AGAP1: variants seen among roughly 807,000 people sequenced by gnomAD.
AGAP1 encodes ArfGAP with GTPase domain, ankyrin repeat and PH domain 1, also known as arf-GAP with GTPase, ANK repeat and PH domain-containing protein 1.
Under a neutral mutation model 105.3 loss-of-function variants are expected in AGAP1, and 29 were observed. The observed-to-expected ratio is 0.28, with a 90% confidence interval of 0.21 to 0.38. The LOEUF (loss-of-function observed/expected upper bound fraction) is 0.38, where lower values mean the gene tolerates loss of function less well. Ranked by LOEUF, AGAP1 falls within the 10% of genes least tolerant of loss-of-function variation. The probability of loss-of-function intolerance (pLI) is 1.00; values close to 1 mark genes in which losing one functional copy is unlikely to be tolerated. For synonymous variants in AGAP1, 509 were observed against 485.9 expected (o/e 1.05, Z -0.63); for missense variants, 998 against 1,165.1 (o/e 0.86, Z 2.09).
At chr2:235,935,016 AGATTCCT>A (rs1340149939) in intron 12 of AGAP1, among the ~76,000 whole-genome samples, 1 of 152,164 alleles carries the variant, frequency 6.6e-6, no homozygotes, top group African/African-American at 2.4e-5. Context: ...CTAATTAGAT[AGATTCCT>A]TTGTAGGGGC....
chr2:235,659,136 C>T lies in AGAP1; in HGVS notation c.164-50043C>T, dbSNP rs1195041662. On this transcript the variant is annotated intron_variant, in intron 1 of 17. Transcript: ENST00000304032. The surrounding 1 kb of genome is among the most constrained non-coding windows in gnomAD (Gnocchi z 5.0). ...CTGGGGAAGGCCCTGGAGCTGGATT[C>T]CCACACCCTGCCGAGTTTGTGCGTT... Among the ~76,000 whole-genome samples the T allele has an allele frequency of 1.3e-5, 2 of 152,226 alleles. No homozygotes were observed. Among genetic ancestry groups the T allele is most frequent in the African/African-American group, 4.8e-5 (2 of 41,460 alleles).
chr2:235,693,637 C>G (rs535377625), intron 1 of AGAP1, among the ~76,000 whole-genome samples: 1 of 152,148 alleles, frequency 6.6e-6, no homozygotes, highest in Non-Finnish European at 1.5e-5. Flanking sequence ...GGGAGGATCA[C>G]GAGCTCAGGA....
chr2:235,969,877 T>C (rs569238810), intron 13 of AGAP1, among the ~76,000 whole-genome samples: 33 of 152,322 alleles, frequency 2.2e-4, no homozygotes, highest in Non-Finnish European at 3.7e-4. Context: ...TTGCCTCCTG[T>C]AAGCTTCCTG....
At chr2:235,680,890 G>A (rs748165029) in intron 1 of AGAP1, among the ~76,000 whole-genome samples, 26 of 152,192 alleles carry the variant, frequency 1.7e-4, no homozygotes, top group Middle Eastern at 6.8e-3. Context: ...GCTGACACTG[G>A]GACTGTGAAC....
chr2:235,937,725 C>G, intron 12 of AGAP1, among the ~76,000 whole-genome samples: 1 of 152,102 alleles, frequency 6.6e-6, no homozygotes, highest in East Asian at 1.9e-4. Flanking sequence ...TGGGACAGTT[C>G]GTGATGTCCG....
chr2:235,860,183 A>G (rs1252415856), intron 9 of AGAP1, among the ~76,000 whole-genome samples: 1 of 152,230 alleles, frequency 6.6e-6, no homozygotes, highest in Non-Finnish European at 1.5e-5. Flanking sequence ...GCAACAAAGG[A>G]AAGGGCATAC....
intron 1 of AGAP1, among the ~76,000 whole-genome samples, chr2:235,508,998 G>A (rs1338549363): frequency 9.2e-5 from 14 of 152,146 alleles, no homozygotes; most frequent in Non-Finnish European, 1.9e-4. Context: ...TGGTGGCTGC[G>A]CTATCTGCTT....
At position 236,067,024 on chromosome 2, in the gene AGAP1, ATT is replaced by A. The variant is rs34092115; in HGVS notation, c.2114+17756_2114+17757del. On this transcript the variant is annotated intron_variant, in intron 16 of 17. Transcript: ENST00000304032. ...CTGAAAATGTCTTCTTCACCAACCA[ATT>A]TTTTTTTTTTTTATCACTGAGACCT... Among the ~76,000 whole-genome samples, 669 of 149,436 alleles carry A rather than the reference ATT, an allele frequency of 4.5e-3. 2 individuals carry two copies. Among genetic ancestry groups the A allele is most frequent in the East Asian group, 0.018 (94 of 5,082 alleles).
intron 16 of AGAP1, among the ~76,000 whole-genome samples, chr2:236,069,094 T>C (rs13029734): frequency 3.3e-5 from 5 of 150,492 alleles, no homozygotes; most frequent in African/African-American, 4.9e-5. Context: ...GCTAGTGCGC[T>C]CCAGCCTGGG....
intron 1 of AGAP1, among the ~76,000 whole-genome samples, chr2:235,667,724 G>T (rs1948172175): frequency 6.6e-6 from 1 of 152,120 alleles, no homozygotes; most frequent in South Asian, 2.1e-4. Context: ...ACTCTGGGAG[G>T]CTGAGGTGGG....
In AGAP1 at chr2:235,883,128, T is replaced by C. The variant is rs13393519; in HGVS notation, c.1051-217T>C. Among the ~76,000 whole-genome samples the C allele has an allele frequency of 0.02, 3,066 of 152,218 alleles. 104 individuals are homozygous for C. The highest frequency in any genetic ancestry group is 0.071 in the African/African-American group (2,935 of 41,500). On this transcript the variant is annotated intron_variant, in intron 9 of 17. Coordinates refer to ENST00000304032, the MANE Select transcript of AGAP1 (RefSeq NM_001037131.3). The surrounding 1 kb of genome is among the most constrained non-coding windows in gnomAD (Gnocchi z 4.5). ...ATTATACCTTTAGGTGTTTCCTGTG[T>C]GTTTAGCAGTTAATTATCCAAAAGA...
In AGAP1 at chr2:235,748,415, T is replaced by C. The variant is rs183321930; in HGVS notation, c.539-1939T>C. Among the ~76,000 whole-genome samples the C allele has an allele frequency of 2.1e-3, 313 of 152,212 alleles. 3 individuals are homozygous for C. The highest frequency in any genetic ancestry group is 7.2e-3 in the African/African-American group (301 of 41,518). ...TCTTTTTACAATTAAAAAGAAATGT[T>C]TATACTTAAAAAAAAAACTTTCTTT... On this transcript the variant is annotated intron_variant, in intron 5 of 17. Transcript: ENST00000304032.
At chr2:235,781,068 T>C (rs1956231742) in intron 6 of AGAP1, among the ~76,000 whole-genome samples, 1 of 152,200 alleles carries the variant, frequency 6.6e-6, no homozygotes, top group Admixed American at 6.5e-5. Flanking sequence ...ACCTGTGATA[T>C]TAGTCATTGC....
intron 1 of AGAP1, among the ~76,000 whole-genome samples, chr2:235,626,832 A>G (rs1445482558): frequency 2.0e-5 from 3 of 152,184 alleles, no homozygotes; most frequent in East Asian, 1.9e-4. Flanking sequence ...TACAGACACA[A>G]ATTGGCATGG....
At chr2:235,619,753 C>T (rs1392875849) in intron 1 of AGAP1, among the ~76,000 whole-genome samples, 1 of 152,250 alleles carries the variant, frequency 6.6e-6, no homozygotes, top group Non-Finnish European at 1.5e-5. Flanking sequence ...GCAACACCAG[C>T]TTCGGCGCCC....
In AGAP1 at chr2:235,845,972, C is replaced by T. The variant is rs564091774; in HGVS notation, c.1051-37373C>T. On this transcript the variant is annotated intron_variant, in intron 9 of 17. Transcript: ENST00000304032. This position sits in a 1 kb window ranked among gnomAD's most constrained non-coding sequence, Gnocchi z 4.8. The stretch of plus-strand genomic sequence containing the variant: ...CTGCAGCCACAGGGTTGAAATCTTT[C>T]CCAGGCCCTCCAGACCTCCTGGATG... 6.6e-6 allele frequency among the ~76,000 whole-genome samples: 1 copy of T among 152,046 alleles called. No individual in the cohort carries two copies. The highest frequency in any genetic ancestry group is 2.4e-5 in the African/African-American group (1 of 41,374).
intron 1 of AGAP1, among the ~76,000 whole-genome samples, chr2:235,629,847 G>A (rs1344062672): frequency 7.1e-6 from 1 of 141,302 alleles, no homozygotes; most frequent in Admixed American, 7.1e-5. Context: ...CTGGGTGACT[G>A]AGGGAGACCC....
At chr2:236,041,859 C>G (rs2057558925) in intron 15 of AGAP1, among the ~76,000 whole-genome samples, 1 of 152,132 alleles carries the variant, frequency 6.6e-6, no homozygotes, top group South Asian at 2.1e-4. Context: ...TCTTGCCACC[C>G]ATGCAGGAGC....
intron 16 of AGAP1, among the ~76,000 whole-genome samples, chr2:236,118,744 G>C (rs1348565977): frequency 6.6e-6 from 1 of 152,050 alleles, no homozygotes; most frequent in Admixed American, 6.5e-5. Context: ...CCCTGGCTGG[G>C]CTTGGCTCCT....
Sources: gnomAD v4.1 joint callset for allele counts (sites outside exome capture counted in the v4.1 genomes callset) on GRCh38, gnomAD v4.1.1 for gene constraint, Gnocchi (gnomAD v3.1) non-coding constraint, MANE v1.5 for transcripts, NCBI Gene and HGNC (gene_info 2026-07-23, HGNC 2026-07-21) for gene names.